The following EYS variants were observed in gnomAD, a reference collection of about 807,000 sequenced individuals.
EYS encodes protein eyes shut homolog.
Under a neutral mutation model 282.1 loss-of-function variants are expected in EYS, and 250 were observed. The observed-to-expected ratio is 0.89, with a 90% CI of 0.80 to 0.98. The LOEUF (loss-of-function observed/expected upper bound fraction) is 0.98, where lower values mean the gene tolerates loss of function less well. Ranked by LOEUF, EYS falls within the 50% of genes least tolerant of loss-of-function variation. The pLI, the probability that EYS is intolerant of heterozygous loss-of-function variation, is 0.00. For synonymous variants in EYS, 1,355 were observed against 1,282.9 expected, an observed-to-expected ratio of 1.06 and a Z score of -1.20; for missense variants, 4,016 against 3,709.0, an observed-to-expected ratio of 1.08 and a Z score of -2.15.
At chr6:64,659,632 C>T (rs934797535) in intron 22 of EYS, among the ~76,000 whole-genome samples, 2 of 152,142 alleles carry the variant, frequency 1.3e-5, no homozygotes, top group South Asian at 2.1e-4. Context: ...ACTAGAAAAT[C>T]CAGAATAAAT....
At chr6:64,746,622 G>A (rs1772563711) in intron 22 of EYS, among the ~76,000 whole-genome samples, 1 of 152,176 alleles carries the variant, frequency 6.6e-6, no homozygotes, top group African/African-American at 2.4e-5. Flanking sequence ...AGGAATCACT[G>A]GATGTCTAGT....
chr6:65,344,487 C>A (rs936795550), intron 9 of EYS, among the ~76,000 whole-genome samples: 1 of 151,110 alleles, frequency 6.6e-6, no homozygotes, highest in Non-Finnish European at 1.5e-5. Flanking sequence ...GATGGTAGAA[C>A]GATAAAAAGA....
At chr6:64,048,114 C>A (rs1179899860) in intron 33 of EYS, among the ~76,000 whole-genome samples, 2 of 152,064 alleles carry the variant, frequency 1.3e-5, no homozygotes, top group African/African-American at 4.8e-5. Flanking sequence ...CCATGTTGGC[C>A]AGGCTGATCT....
At chr6:63,931,510 C>T (rs1395627914) in intron 35 of EYS, among the ~76,000 whole-genome samples, 3 of 152,202 alleles carry the variant, frequency 2.0e-5, no homozygotes, top group Non-Finnish European at 4.4e-5. Flanking sequence ...CTATAAAATG[C>T]TTTCTTGCTC....
At chr6:64,385,552 T>C (rs1326770327) in intron 29 of EYS, among the ~76,000 whole-genome samples, 1 of 152,200 alleles carries the variant, frequency 6.6e-6, no homozygotes, top group Non-Finnish European at 1.5e-5. Context: ...AGGATGAATG[T>C]CGAGTTTTTT....
chr6:64,981,912 G>C (rs1302762221), intron 14 of EYS, among the ~76,000 whole-genome samples: 1 of 151,368 alleles, frequency 6.6e-6, no homozygotes, highest in Non-Finnish European at 1.5e-5. Flanking sequence ...ACCAGTGGCT[G>C]TGTCTCCAAA....
intron 12 of EYS, among the ~76,000 whole-genome samples, chr6:65,223,957 T>G (rs1022628206): frequency 6.6e-6 from 1 of 152,158 alleles, no homozygotes; most frequent in Non-Finnish European, 1.5e-5. Flanking sequence ...ATACATTCAC[T>G]TAAGGTAACT....
intron 2 of EYS, among the ~76,000 whole-genome samples, chr6:65,544,583 T>C (rs149205715): frequency 1.8e-4 from 27 of 152,248 alleles, no homozygotes; most frequent in African/African-American, 6.3e-4. Context: ...TCCGCCATGA[T>C]TGTAAGTTTC....
intron 5 of EYS, among the ~76,000 whole-genome samples, chr6:65,423,216 T>A (rs1047641431): frequency 6.6e-6 from 1 of 151,924 alleles, no homozygotes; most frequent in African/African-American, 2.4e-5. Context: ...GGAGTAAATA[T>A]CTGAGAACGC....
chr6:64,679,491 G>A (rs369517384), intron 22 of EYS, among the ~76,000 whole-genome samples: 1 of 152,168 alleles, frequency 6.6e-6, no homozygotes, highest in African/African-American at 2.4e-5. Context: ...ATACTGCTGG[G>A]AAAAGTCTAA....
At chr6:65,330,988 C>A in intron 11 of EYS, 4 of 984,326 alleles carry the variant, frequency 4.1e-6, no homozygotes, top group Non-Finnish European at 4.8e-6. Flanking sequence ...CGTATATACT[C>A]GGGTTGTTGT....
At chr6:64,081,781 A>G (rs1771977869) in intron 32 of EYS, 75 bp downstream of exon 32, 1 of 1,205,618 alleles carries the variant, frequency 8.3e-7, no homozygotes, top group African/African-American at 1.6e-5. Flanking sequence ...ATTTAAATGA[A>G]TAAATCATTG....
intron 12 of EYS, among the ~76,000 whole-genome samples, chr6:65,166,541 T>G (rs573351687): frequency 7.9e-5 from 12 of 151,264 alleles, no homozygotes; most frequent in African/African-American, 2.9e-4. Flanking sequence ...AGTTGGACCC[T>G]TATCTCACAT....
intron 30 of EYS, among the ~76,000 whole-genome samples, chr6:64,287,942 T>C (rs767389292): frequency 4.6e-5 from 7 of 152,156 alleles, no homozygotes; most frequent in Non-Finnish European, 8.8e-5. Flanking sequence ...AGTGATTGTA[T>C]GAATGAGTGA....
chr6:65,495,624 AC>A lies in EYS; in HGVS notation c.-197-18del, dbSNP rs1766230078. The A allele has an allele frequency of 1.7e-6, 1 of 600,464 alleles. No individual in the cohort carries two copies. The highest frequency in any genetic ancestry group is 1.9e-5 in the African/African-American group (1 of 54,010). 37.2% of individuals were successfully genotyped at this position (600,464 alleles called of 1,614,324 possible). On this transcript the variant is annotated intron_variant, in intron 3 of 42. Transcript: ENST00000503581. ...TAAATATTCCTTTAAACAGAAAAAA[AC>A]ATATATTGTTAGTGAAGTTTTCCCT...
intron 22 of EYS, among the ~76,000 whole-genome samples, chr6:64,801,418 T>C (rs1302855109): frequency 6.6e-6 from 1 of 152,102 alleles, no homozygotes; most frequent in African/African-American, 2.4e-5. Flanking sequence ...TCAAATAATA[T>C]ACTATACAGA....
intron 12 of EYS, among the ~76,000 whole-genome samples, chr6:65,287,915 T>C (rs1768414457): frequency 1.3e-5 from 2 of 151,184 alleles, no homozygotes; most frequent in African/African-American, 4.8e-5. Context: ...ATATTCTATT[T>C]GGTTAGATTA....
At chr6:63,757,425 C>T (rs1769518014) in intron 41 of EYS, among the ~76,000 whole-genome samples, 1 of 152,074 alleles carries the variant, frequency 6.6e-6, no homozygotes, top group Non-Finnish European at 1.5e-5. Flanking sequence ...ACAGTACTTG[C>T]ACAGCTGAAC....
chr6:65,246,447 G>A (rs1767182024), intron 12 of EYS, among the ~76,000 whole-genome samples: 1 of 151,956 alleles, frequency 6.6e-6, no homozygotes, highest in South Asian at 2.1e-4. Context: ...GTATGCCAGA[G>A]GACAAAATCA....
Sources: gnomAD v4.1 joint callset for allele counts (sites outside exome capture counted in the v4.1 genomes callset) on GRCh38, gnomAD v4.1.1 for gene constraint, MANE v1.5 for transcripts, NCBI Gene and HGNC (gene_info 2026-07-23, HGNC 2026-07-21) for gene names.